The following RSRC1 variants were observed in gnomAD, a reference collection of about 807,000 sequenced individuals.
The protein encoded by RSRC1 is arginine and serine rich coiled-coil 1.
In RSRC1, 39 loss-of-function variants were observed where a neutral mutation model predicts 49.1. That is an observed-to-expected ratio of 0.79 (90% CI 0.61 to 1.04). The LOEUF is 1.04. RSRC1 is among the 50% of genes least tolerant of loss of function. RSRC1 has a pLI of 0.00. For missense variants in RSRC1, 388 were observed against 402.4 expected (o/e 0.96, Z 0.31); for synonymous variants, 143 against 130.8 (o/e 1.09, Z -0.63).
intron 6 of RSRC1, among the ~76,000 whole-genome samples, chr3:158,437,128 A>C (rs1736084357): frequency 6.6e-6 from 1 of 151,944 alleles, no homozygotes. Context: ...AAAAAAAAAA[A>C]CCTTTGGATG....
chr3:158,521,347 A>G (rs1711660644), intron 7 of RSRC1, among the ~76,000 whole-genome samples: 1 of 151,960 alleles, frequency 6.6e-6, no homozygotes, highest in Non-Finnish European at 1.5e-5. Context: ...TACTGCCCAC[A>G]TCTTCGGAAC....
intron 7 of RSRC1, among the ~76,000 whole-genome samples, chr3:158,510,708 A>G (rs1289417035): frequency 6.6e-6 from 1 of 152,218 alleles, no homozygotes; most frequent in African/African-American, 2.4e-5. Flanking sequence ...GTTATTGACT[A>G]TAGTTAGCCT....
chr3:158,188,672 A>T (rs570687278), intron 3 of RSRC1, among the ~76,000 whole-genome samples: 1 of 151,860 alleles, frequency 6.6e-6, no homozygotes, highest in Non-Finnish European at 1.5e-5. Flanking sequence ...ATAGCTTTTA[A>T]CCCATATGAG....
chr3:158,413,165 A>C (rs1025257767), intron 6 of RSRC1, among the ~76,000 whole-genome samples: 3 of 152,180 alleles, frequency 2.0e-5, no homozygotes, highest in African/African-American at 7.2e-5. Context: ...GGAACAGAAT[A>C]GAGATCTCAG....
intron 4 of RSRC1, among the ~76,000 whole-genome samples, chr3:158,229,218 AC>A (rs896797695): frequency 6.6e-6 from 1 of 150,944 alleles, no homozygotes; most frequent in Non-Finnish European, 1.5e-5. Flanking sequence ...ATGTATACAC[AC>A]ATACACGTAT....
intron 4 of RSRC1, among the ~76,000 whole-genome samples, chr3:158,210,059 T>TGC (rs1721578384): frequency 6.6e-6 from 1 of 152,112 alleles, no homozygotes; most frequent in Non-Finnish European, 1.5e-5. Context: ...GACTCTGAGT[T>TGC]TTGACAGCAG....
intron 5 of RSRC1, among the ~76,000 whole-genome samples, chr3:158,332,971 G>GTTTTTTT (rs371669802): frequency 7.3e-6 from 1 of 136,122 alleles, no homozygotes. Flanking sequence ...TCTGTTTTTT[G>GTTTTTTT]TTTTTTTTTT....
intron 7 of RSRC1, among the ~76,000 whole-genome samples, chr3:158,489,911 T>C (rs1254739611): frequency 1.3e-5 from 2 of 152,166 alleles, no homozygotes; most frequent in Non-Finnish European, 2.9e-5. Flanking sequence ...AGATAATGTA[T>C]GAAAGGAAAT....
At chr3:158,319,833 T>C (rs1229972780) in intron 5 of RSRC1, among the ~76,000 whole-genome samples, 1 of 152,198 alleles carries the variant, frequency 6.6e-6, no homozygotes, top group Non-Finnish European at 1.5e-5. Flanking sequence ...CCTGGTTTTT[T>C]AAGGAAAAGT....
At chr3:158,393,696 C>G (rs1261077033) in intron 6 of RSRC1, among the ~76,000 whole-genome samples, 2 of 151,870 alleles carry the variant, frequency 1.3e-5, no homozygotes, top group Admixed American at 1.3e-4. Context: ...AGAAAAGGCC[C>G]AGGAGCAGAC....
At chr3:158,187,473 G>C (rs1219193772) in intron 3 of RSRC1, among the ~76,000 whole-genome samples, 1 of 151,948 alleles carries the variant, frequency 6.6e-6, no homozygotes, top group Non-Finnish European at 1.5e-5. Flanking sequence ...CTTGATATGA[G>C]TTATAGGTCC....
At chr3:158,543,283 T>C in intron 8 of RSRC1, 52 bp from the exon 9 acceptor site, 1 of 1,379,304 alleles carries the variant, frequency 7.3e-7, no homozygotes, top group African/African-American at 1.5e-5. Flanking sequence ...ATTTTTGAAG[T>C]AAAACTCTAA....
intron 3 of RSRC1, 26 bp downstream of exon 3, chr3:158,124,017 T>C (rs1715455199): frequency 2.0e-5 from 29 of 1,478,398 alleles, no homozygotes; most frequent in Non-Finnish European, 2.5e-5. Flanking sequence ...TATTTATTGC[T>C]TTGTAACAAA....
In RSRC1 at chr3:158,343,510, A is replaced by G. The variant is rs145647153; in HGVS notation, c.532-11347A>G. ...ATCAGGTGAAACTGACCCAGAATTG[A>G]CACAGTGATAGATTTAGTAGACAAG... On this transcript the variant is annotated intron_variant, in intron 5 of 9. Coordinates refer to ENST00000611884, the MANE Select transcript of RSRC1 (RefSeq NM_001271838.2). Among the ~76,000 whole-genome samples, 122 of 152,334 alleles carry G rather than the reference A, an allele frequency of 8.0e-4. No homozygotes were observed. In the East Asian group the frequency reaches 0.022, roughly 27 times the overall value.
intron 6 of RSRC1, among the ~76,000 whole-genome samples, chr3:158,396,357 T>C (rs1189508951): frequency 2.0e-5 from 3 of 151,018 alleles, no homozygotes; most frequent in Non-Finnish European, 4.4e-5. Context: ...TTTTTTAAAA[T>C]CCCAATTATA....
intron 4 of RSRC1, among the ~76,000 whole-genome samples, chr3:158,236,205 G>A (rs1206621435): frequency 6.6e-6 from 1 of 151,976 alleles, no homozygotes; most frequent in Non-Finnish European, 1.5e-5. Context: ...TGTGAAATTT[G>A]TTAATATAAT....
intron 6 of RSRC1, among the ~76,000 whole-genome samples, chr3:158,432,327 A>G (rs1341729831): frequency 6.6e-6 from 1 of 151,982 alleles, no homozygotes; most frequent in East Asian, 1.9e-4. Flanking sequence ...TTTTAAGCAA[A>G]GTGATGAAAA....
chr3:158,270,481 A>C (rs1239313547), intron 4 of RSRC1, among the ~76,000 whole-genome samples: 2 of 152,156 alleles, frequency 1.3e-5, no homozygotes, highest in Non-Finnish European at 2.9e-5. Context: ...AGGAATTTGT[A>C]ATGTCACAGA....
At chr3:158,540,266 C>T (rs1433592801) in intron 8 of RSRC1, among the ~76,000 whole-genome samples, 1 of 152,010 alleles carries the variant, frequency 6.6e-6, no homozygotes, top group Non-Finnish European at 1.5e-5. Flanking sequence ...AAATTGCTGA[C>T]ACCAAAATAT....
Sources: allele counts gnomAD v4.1 joint callset (sites outside exome capture counted in the v4.1 genomes callset), GRCh38; gene constraint gnomAD v4.1.1; transcripts MANE v1.5; gene names NCBI Gene and HGNC (gene_info 2026-07-23, HGNC 2026-07-21).